The following NKAIN2 variants were observed in gnomAD, a reference collection of about 807,000 sequenced individuals.
NKAIN2 encodes the protein sodium/potassium-transporting ATPase subunit beta-1-interacting protein 2.
In NKAIN2, 14 loss-of-function variants were observed where a neutral mutation model predicts 32.6. The observed-to-expected ratio is 0.43, with a 90% CI of 0.28 to 0.67. The LOEUF (loss-of-function observed/expected upper bound fraction) is 0.67. NKAIN2 is among the 30% of genes least tolerant of loss of function. The pLI, the probability that NKAIN2 is intolerant of heterozygous loss-of-function variation, is 0.17. For missense variants in NKAIN2, 198 were observed against 258.3 expected (o/e 0.77, Z 1.60); for synonymous variants, 80 against 87.2 (o/e 0.92, Z 0.46).
intron 1 of NKAIN2, among the ~76,000 whole-genome samples, chr6:124,156,194 T>C (rs185853582): frequency 6.6e-6 from 1 of 152,294 alleles, no homozygotes; most frequent in Admixed American, 6.5e-5. Flanking sequence ...GGTCACTAGA[T>C]ACTTATGGAT....
At chr6:123,999,819 A>G (rs1360031333) in intron 1 of NKAIN2, among the ~76,000 whole-genome samples, 2 of 152,074 alleles carry the variant, frequency 1.3e-5, no homozygotes, top group African/African-American at 2.4e-5. Context: ...ATGTCAGAAT[A>G]TTAGACTTAA....
intron 1 of NKAIN2, among the ~76,000 whole-genome samples, chr6:124,228,714 CA>C (rs1198821322): frequency 3.3e-5 from 5 of 152,124 alleles, no homozygotes; most frequent in Non-Finnish European, 7.3e-5. Context: ...GTCTCTTACC[CA>C]TTTCTCTGTG....
At chr6:124,196,809 T>C (rs1010116475) in intron 1 of NKAIN2, among the ~76,000 whole-genome samples, 1 of 152,020 alleles carries the variant, frequency 6.6e-6, no homozygotes, top group Non-Finnish European at 1.5e-5. Flanking sequence ...TAATTTATTT[T>C]ATAAAAGTTT....
At chr6:124,007,303 T>C (rs1780118158) in intron 1 of NKAIN2, among the ~76,000 whole-genome samples, 1 of 152,142 alleles carries the variant, frequency 6.6e-6, no homozygotes, top group Non-Finnish European at 1.5e-5. Flanking sequence ...CACATAACTG[T>C]AGTTAGATTC....
intron 1 of NKAIN2, among the ~76,000 whole-genome samples, chr6:124,057,516 C>A (rs1242383480): frequency 6.6e-6 from 1 of 151,994 alleles, no homozygotes; most frequent in Admixed American, 6.6e-5. Flanking sequence ...AAAAATGACT[C>A]AGGCAGTAAT....
At chr6:124,706,887 T>A (rs1260918282) in intron 4 of NKAIN2, among the ~76,000 whole-genome samples, 2 of 152,074 alleles carry the variant, frequency 1.3e-5, no homozygotes, top group Non-Finnish European at 2.9e-5. Context: ...CATGTACACA[T>A]TGTGCAGGTT....
At chr6:124,434,393 G>A (rs961688913) in intron 3 of NKAIN2, among the ~76,000 whole-genome samples, 12 of 152,052 alleles carry the variant, frequency 7.9e-5, no homozygotes, top group Non-Finnish European at 1.6e-4. Flanking sequence ...TCTCTTGTGG[G>A]AAGTTTAGTA....
At chr6:124,521,709 T>C (rs1046989779) in intron 3 of NKAIN2, among the ~76,000 whole-genome samples, 2 of 152,210 alleles carry the variant, frequency 1.3e-5, no homozygotes, top group African/African-American at 4.8e-5. Flanking sequence ...TTTACTCTTA[T>C]AACCCTGAAA....
At chr6:124,464,214 G>C (rs73580504) in intron 3 of NKAIN2, among the ~76,000 whole-genome samples, 1 of 151,980 alleles carries the variant, frequency 6.6e-6, no homozygotes, top group Non-Finnish European at 1.5e-5. Context: ...TCTTGAACTT[G>C]TGACCTCAAG....
chr6:124,680,274 AAGG>A (rs1020746340), intron 4 of NKAIN2, among the ~76,000 whole-genome samples: 7 of 152,126 alleles, frequency 4.6e-5, no homozygotes, highest in African/African-American at 1.4e-4. Flanking sequence ...CCTCCTTATA[AAGG>A]AGAAGCCAAG....
intron 1 of NKAIN2, among the ~76,000 whole-genome samples, chr6:124,067,537 C>G (rs1783246997): frequency 6.6e-6 from 1 of 152,146 alleles, no homozygotes. Context: ...CAATAAGAAT[C>G]TCTCAAATGA....
chr6:124,413,140 A>G (rs989467964), intron 3 of NKAIN2, among the ~76,000 whole-genome samples: 7 of 151,702 alleles, frequency 4.6e-5, no homozygotes, highest in Non-Finnish European at 8.8e-5. Context: ...GTGATGCCTC[A>G]CCCTGCTTCG....
intron 5 of NKAIN2, among the ~76,000 whole-genome samples, chr6:124,812,628 A>G (rs956474241): frequency 6.6e-6 from 1 of 152,158 alleles, no homozygotes; most frequent in Admixed American, 6.6e-5. Context: ...TGCACTAATT[A>G]GAGTTACATT....
At chr6:124,665,668 C>T (rs926023755) in intron 4 of NKAIN2, among the ~76,000 whole-genome samples, 1 of 152,176 alleles carries the variant, frequency 6.6e-6, no homozygotes, top group Non-Finnish European at 1.5e-5. Context: ...TTTCTCTTCA[C>T]TACTGATTCT....
At chr6:124,017,985 G>A (rs1780669005) in intron 1 of NKAIN2, among the ~76,000 whole-genome samples, 2 of 152,198 alleles carry the variant, frequency 1.3e-5, no homozygotes, top group Non-Finnish European at 2.9e-5. Context: ...CCCTAGCAGA[G>A]GTTGTTCATA....
At chr6:124,811,569 A>C in intron 5 of NKAIN2, among the ~76,000 whole-genome samples, 1 of 152,280 alleles carries the variant, frequency 6.6e-6, no homozygotes, top group South Asian at 2.1e-4. Flanking sequence ...ATAGTTATTA[A>C]ATTGATATGG....
chr6:123,939,383 A>G (rs1776711998), intron 1 of NKAIN2, among the ~76,000 whole-genome samples: 1 of 151,984 alleles, frequency 6.6e-6, no homozygotes, highest in Non-Finnish European at 1.5e-5. Flanking sequence ...ACCCATTTAC[A>G]TATCCTCATA....
intron 4 of NKAIN2, among the ~76,000 whole-genome samples, chr6:124,775,649 G>A (rs1394467353): frequency 6.6e-6 from 1 of 152,080 alleles, no homozygotes; most frequent in Non-Finnish European, 1.5e-5. Context: ...GTAATTGCAT[G>A]TGACTATAAA....
chr6:124,039,638 G>T (rs1344906546), intron 1 of NKAIN2, among the ~76,000 whole-genome samples: 1 of 151,462 alleles, frequency 6.6e-6, no homozygotes, highest in Non-Finnish European at 1.5e-5. Flanking sequence ...TTAACAATAG[G>T]CAATTCATGT....
Sources: allele counts gnomAD v4.1 joint callset (sites outside exome capture counted in the v4.1 genomes callset), GRCh38; gene constraint gnomAD v4.1.1; transcripts MANE v1.5; gene names NCBI Gene and HGNC (gene_info 2026-07-23, HGNC 2026-07-21).